The following PXT1 variants were observed in gnomAD, a reference collection of about 807,000 sequenced individuals.
PXT1 encodes peroxisomal testis-specific protein 1.
A neutral mutation model predicts 11.0 loss-of-function variants in PXT1; 11 were observed. That is an observed-to-expected ratio of 1.00 (90% CI 0.63 to 1.66). The LOEUF is 1.66. Ranked by LOEUF, PXT1 falls within the 40% of genes most tolerant of loss-of-function variation. PXT1 has a pLI of 0.00. For synonymous variants in PXT1, 43 were observed against 51.4 expected, an observed-to-expected ratio of 0.84 and a Z score of 0.70; for missense variants, 141 against 155.5, an observed-to-expected ratio of 0.91 and a Z score of 0.49.
chr6:36,408,650 G>A (rs1404454270), intron 3 of PXT1, among the ~76,000 whole-genome samples: 1 of 146,308 alleles, frequency 6.8e-6, no homozygotes, highest in Non-Finnish European at 1.5e-5. Flanking sequence ...AGGATCCCTT[G>A]AGCCCAGGAG....
chr6:36,439,142 G>GCA (rs1561936259), intron 1 of PXT1, among the ~76,000 whole-genome samples: 1 of 151,812 alleles, frequency 6.6e-6, no homozygotes, highest in Non-Finnish European at 1.5e-5. Flanking sequence ...GGGATTACAG[G>GCA]CGCACCACCG....
intron 2 of PXT1, among the ~76,000 whole-genome samples, chr6:36,427,071 C>A (rs1009514481): frequency 2.0e-5 from 3 of 150,008 alleles, no homozygotes; most frequent in Non-Finnish European, 4.4e-5. Context: ...GTGCAGATCT[C>A]GGCTCACTGC....
chr6:36,425,661 G>A lies in PXT1; in HGVS notation c.169+253C>T, dbSNP rs556705706. Reference sequence around the variant, plus strand: ...AAATTAGCCCAGCGTGGTGGTGGGCGCCTGCAATCCCAGCTACTCGGGAGG... The same window carrying A: ...AAATTAGCCCAGCGTGGTGGTGGGCACCTGCAATCCCAGCTACTCGGGAGG... On this transcript the variant is annotated intron_variant, in intron 3 of 4. Coordinates refer to ENST00000454782, the MANE Select transcript of PXT1 (RefSeq NM_152990.4). Among the ~76,000 whole-genome samples the A allele has an allele frequency of 3.4e-3, 523 of 151,818 alleles. 1 individual carries two copies. Among genetic ancestry groups the A allele is most frequent in the African/African-American group, 0.012 (492 of 41,424 alleles).
intron 4 of PXT1, among the ~76,000 whole-genome samples, chr6:36,397,281 T>G (rs1435715353): frequency 1.3e-5 from 2 of 152,108 alleles, no homozygotes; most frequent in Non-Finnish European, 2.9e-5. Context: ...AATAGTCTTT[T>G]CAACAAATGG....
chr6:36,408,248 C>T (rs1033024580), intron 3 of PXT1, among the ~76,000 whole-genome samples: 5 of 151,158 alleles, frequency 3.3e-5, no homozygotes, highest in Admixed American at 2.0e-4. Context: ...ACATGTGAGC[C>T]ACCACGCCCA....
chr6:36,419,883 C>A (rs1377572636), intron 3 of PXT1, among the ~76,000 whole-genome samples: 5 of 152,174 alleles, frequency 3.3e-5, no homozygotes, highest in Admixed American at 6.5e-5. Context: ...ATCTCCAAGA[C>A]CCTACAACAG....
chr6:36,402,943 CTTTCTTTCTT>C (rs1774234283), intron 3 of PXT1, among the ~76,000 whole-genome samples: 1 of 116,958 alleles, frequency 8.6e-6, no homozygotes, highest in South Asian at 2.7e-4. Context: ...TCTTTTCTTT[CTTTCTTTCTT>C]TTTTTTTTTT....
At chr6:36,403,789 G>A (rs895160286) in intron 3 of PXT1, among the ~76,000 whole-genome samples, 2 of 152,064 alleles carry the variant, frequency 1.3e-5, no homozygotes, top group African/African-American at 2.4e-5. Context: ...GGATCACTGA[G>A]CCCAGGAGGT....
At chr6:36,426,121 C>G (rs551347454) in intron 2 of PXT1, 30 bp from the exon 3 acceptor site, 128 of 1,315,888 alleles carry the variant, frequency 9.7e-5, no homozygotes, top group South Asian at 1.4e-4. Flanking sequence ...CAGAGGCTTT[C>G]CCCCATTTCT....
intron 1 of PXT1, among the ~76,000 whole-genome samples, chr6:36,439,663 C>A (rs72851203): frequency 0.018 from 1,073 of 58,210 alleles, 23 homozygotes; most frequent in Middle Eastern, 0.067. Context: ...AAAAAAAAAA[C>A]AACTAAGCAT....
At chr6:36,439,592 G>A (rs146401020) in intron 1 of PXT1, among the ~76,000 whole-genome samples, 8 of 147,990 alleles carry the variant, frequency 5.4e-5, no homozygotes, top group Admixed American at 2.7e-4. Context: ...AAGCCTGGGC[G>A]ACAGAGGGAG....
chr6:36,423,358 G>A (rs62402160), intron 3 of PXT1, among the ~76,000 whole-genome samples: 3,656 of 152,350 alleles, frequency 0.024, 50 homozygotes, highest in Non-Finnish European at 0.027. Context: ...CGCGACCCGC[G>A]CAACCAGTGA....
intron 2 of PXT1, among the ~76,000 whole-genome samples, chr6:36,433,616 G>A (rs1409967044): frequency 6.6e-6 from 1 of 151,684 alleles, no homozygotes; most frequent in Non-Finnish European, 1.5e-5. Flanking sequence ...TCAGCAGATC[G>A]AGACCATCCT....
At chr6:36,404,044 G>A (rs961163109) in intron 3 of PXT1, among the ~76,000 whole-genome samples, 1 of 152,134 alleles carries the variant, frequency 6.6e-6, no homozygotes, top group Non-Finnish European at 1.5e-5. Flanking sequence ...TAAGGGTGAT[G>A]ACAGGACCTC....
In PXT1 at chr6:36,391,265, A is replaced by T. The variant is rs1318200011; in HGVS notation, c.*505T>A. On this transcript the variant is annotated 3_prime_UTR_variant, in exon 5 of 5. Transcript: ENST00000454782. ...TTTTCCAGAGAGGGTTGGAGCCAGG[A>T]TTGGGGCAGGGAGGTGACATGTCAC... is the stretch of plus-strand genomic sequence containing the variant. 1 of 154,436 alleles carries T rather than the reference A, an allele frequency of 6.5e-6. No individual in the cohort carries two copies. Among genetic ancestry groups the T allele is most frequent in the East Asian group, 1.9e-4 (1 of 5,204 alleles). 9.6% of individuals were successfully genotyped at this position (154,436 alleles called of 1,614,324 possible).
intron 3 of PXT1, among the ~76,000 whole-genome samples, chr6:36,417,202 C>G (rs1250409496): frequency 2.0e-5 from 3 of 152,050 alleles, no homozygotes; most frequent in African/African-American, 7.2e-5. Flanking sequence ...CAAAAATTAG[C>G]CAGGCGTGGT....
At chr6:36,436,113 CAAAAAAA>C (rs11294829) in intron 2 of PXT1, among the ~76,000 whole-genome samples, 1,286 of 60,166 alleles carry the variant, frequency 0.021, 25 homozygotes, top group African/African-American at 0.07. Context: ...AAAAGTAAGC[CAAAAAAA>C]AAAAAAAAAA....
intron 3 of PXT1, among the ~76,000 whole-genome samples, chr6:36,400,898 A>G (rs1774204365): frequency 6.6e-6 from 1 of 152,136 alleles, no homozygotes; most frequent in South Asian, 2.1e-4. Flanking sequence ...TGAACCCAGG[A>G]GGCAGAGGTT....
chr6:36,414,031 G>C (rs1774413217), intron 3 of PXT1, among the ~76,000 whole-genome samples: 1 of 152,112 alleles, frequency 6.6e-6, no homozygotes, highest in South Asian at 2.1e-4. Context: ...AAAAATATGG[G>C]AGCGTTTAAT....
Sources: allele counts gnomAD v4.1 joint callset (sites outside exome capture counted in the v4.1 genomes callset), GRCh38; gene constraint gnomAD v4.1.1; transcripts MANE v1.5; gene names NCBI Gene and HGNC (gene_info 2026-07-23, HGNC 2026-07-21).